Variants in NRG3 observed in about 807,000 individuals in gnomAD.
The protein encoded by NRG3 is pro-neuregulin-3, membrane-bound isoform.
Under a neutral mutation model 66.9 loss-of-function variants are expected in NRG3, and 31 were observed. That is an observed-to-expected ratio of 0.46 (90% CI 0.35 to 0.63). The LOEUF (loss-of-function observed/expected upper bound fraction) is 0.63, where lower values mean the gene tolerates loss of function less well. Ranked by LOEUF, NRG3 falls within the 20% of genes least tolerant of loss-of-function variation. The pLI, the probability that NRG3 is intolerant of heterozygous loss-of-function variation, is 0.00. For synonymous variants in NRG3, 393 were observed against 359.4 expected, an observed-to-expected ratio of 1.09 and a Z score of -1.06; for missense variants, 910 against 878.9, an observed-to-expected ratio of 1.04 and a Z score of -0.45.
At chr10:82,973,695 G>C (rs145837113) in intron 6 of NRG3, 93 bp from the exon 7 acceptor site, 12 of 1,393,474 alleles carry the variant, frequency 8.6e-6, no homozygotes, top group Middle Eastern at 1.8e-4. Context: ...GGAGGAACTG[G>C]CATTCCAGTA....
intron 1 of NRG3, among the ~76,000 whole-genome samples, chr10:82,029,856 G>A (rs2062482031): frequency 6.6e-6 from 1 of 152,004 alleles, no homozygotes; most frequent in Non-Finnish European, 1.5e-5. Context: ...ATTTTGAATG[G>A]CTTACTTGAT....
intron 4 of NRG3, among the ~76,000 whole-genome samples, chr10:82,870,812 G>T (rs1841273326): frequency 6.6e-6 from 1 of 151,882 alleles, no homozygotes; most frequent in Non-Finnish European, 1.5e-5. Context: ...TTGTATTTTT[G>T]AAAAATGATC....
chr10:82,115,549 G>A (rs1291152639), intron 1 of NRG3, among the ~76,000 whole-genome samples: 2 of 152,074 alleles, frequency 1.3e-5, no homozygotes, highest in Non-Finnish European at 2.9e-5. Context: ...TGACACTGAG[G>A]CCTTTGGTTC....
At position 82,985,199 on chromosome 10, in the gene NRG3, A is replaced by G. The variant is rs1480953443; in HGVS notation, c.1685A>G (p.Asp562Gly). 1 of 1,614,112 alleles carries G rather than the reference A, an allele frequency of 6.2e-7. No individual in the cohort carries two copies. The highest frequency in any genetic ancestry group is 1.1e-5 in the South Asian group (1 of 91,086). The change falls in exon 9 of 9, where the codon GAC becomes GGC. Residue 562 changes from aspartate to glycine, a missense_variant. Transcript: ENST00000372141. ...NPYFNSLEQK[D>G]LVGYSSTRAS... ...TATTTTAATAGCTTGGAGCAAAAGG[A>G]CCTGGTGGGCTATTCATCCACAAGG...
In NRG3 at chr10:82,057,646, G is replaced by T. The variant is rs142590886; in HGVS notation, c.823+181483G>T. On this transcript the variant is annotated intron_variant, in intron 1 of 8. Coordinates refer to ENST00000372141, the MANE Select transcript of NRG3 (RefSeq NM_001010848.4). Reference sequence around the variant, plus strand: ...AAGTTTGGGTGGGGAGTGGACAAGGGTATGATAAATTTTGTTTCAAACATG... The same window carrying T: ...AAGTTTGGGTGGGGAGTGGACAAGGTTATGATAAATTTTGTTTCAAACATG... Among the ~76,000 whole-genome samples the T allele has an allele frequency of 3.3e-3, 497 of 151,914 alleles. 1 individual carries two copies. The highest frequency in any genetic ancestry group is 4.1e-3 in the Non-Finnish European group (277 of 67,976).
intron 1 of NRG3, among the ~76,000 whole-genome samples, chr10:82,273,407 A>C (rs1004458902): frequency 5.9e-5 from 9 of 152,012 alleles, no homozygotes; most frequent in African/African-American, 2.2e-4. Context: ...ATGACTTGTT[A>C]ATTTATTTTT....
chr10:82,947,923 A>T (rs1782021972), intron 4 of NRG3, among the ~76,000 whole-genome samples: 1 of 152,074 alleles, frequency 6.6e-6, no homozygotes, highest in Non-Finnish European at 1.5e-5. Flanking sequence ...TGATAGATAA[A>T]GTCCATTTTA....
At chr10:82,463,849 C>A (rs1164381791) in intron 2 of NRG3, among the ~76,000 whole-genome samples, 1 of 152,218 alleles carries the variant, frequency 6.6e-6, no homozygotes, top group African/African-American at 2.4e-5. Flanking sequence ...GCTGTCATAT[C>A]ACTGCATGAA....
intron 2 of NRG3, among the ~76,000 whole-genome samples, chr10:82,632,773 T>C (rs891447625): frequency 1.3e-5 from 2 of 152,216 alleles, no homozygotes; most frequent in African/African-American, 4.8e-5. Context: ...ATTATTTTGT[T>C]TAATCTTTTA....
intron 4 of NRG3, among the ~76,000 whole-genome samples, chr10:82,902,130 T>C (rs1165207832): frequency 6.6e-6 from 1 of 152,132 alleles, no homozygotes; most frequent in African/African-American, 2.4e-5. Context: ...TGGACAACCT[T>C]GATGATGAGA....
intron 2 of NRG3, among the ~76,000 whole-genome samples, chr10:82,437,549 A>G (rs939639394): frequency 5.9e-5 from 9 of 151,966 alleles, no homozygotes; most frequent in African/African-American, 1.2e-4. Context: ...CAATTCATCC[A>G]TCTGATTCTC....
intron 3 of NRG3, among the ~76,000 whole-genome samples, chr10:82,826,615 G>A (rs1172621288): frequency 6.6e-6 from 1 of 152,174 alleles, no homozygotes; most frequent in Non-Finnish European, 1.5e-5. Context: ...TCAGCAACAT[G>A]GATGCAGCTG....
chr10:82,315,473 G>A (rs1427351388), intron 1 of NRG3, among the ~76,000 whole-genome samples: 1 of 152,124 alleles, frequency 6.6e-6, no homozygotes, highest in Non-Finnish European at 1.5e-5. Context: ...TGATCTTCTT[G>A]TGTAGATCTT....
intron 2 of NRG3, among the ~76,000 whole-genome samples, chr10:82,637,834 G>T (rs1251678510): frequency 6.6e-6 from 1 of 152,156 alleles, no homozygotes; most frequent in Non-Finnish European, 1.5e-5. Context: ...TGATAGCCCT[G>T]TGGTAAAGTT....
At chr10:82,552,479 G>T (rs1590638099) in intron 2 of NRG3, among the ~76,000 whole-genome samples, 1 of 152,142 alleles carries the variant, frequency 6.6e-6, no homozygotes, top group Admixed American at 6.6e-5. Context: ...TGACTAATGT[G>T]TATTGACTGA....
intron 2 of NRG3, among the ~76,000 whole-genome samples, chr10:82,513,602 G>A (rs185903194): frequency 9.9e-5 from 15 of 152,126 alleles, no homozygotes; most frequent in East Asian, 5.8e-4. Flanking sequence ...CCAACATGGC[G>A]AAACCCTGTT....
At chr10:82,720,101 T>G (rs1428862626) in intron 2 of NRG3, among the ~76,000 whole-genome samples, 2 of 152,232 alleles carry the variant, frequency 1.3e-5, no homozygotes, top group Admixed American at 6.5e-5. Context: ...CCTCAAAAGA[T>G]AGTTAAGGCT....
intron 3 of NRG3, among the ~76,000 whole-genome samples, chr10:82,805,953 T>C (rs1049905559): frequency 7.2e-5 from 11 of 152,214 alleles, no homozygotes; most frequent in African/African-American, 2.7e-4. Context: ...TTTCAAATTT[T>C]TCTGTCAAAG....
At chr10:82,495,523 A>G (rs1384726834) in intron 2 of NRG3, among the ~76,000 whole-genome samples, 1 of 152,000 alleles carries the variant, frequency 6.6e-6, no homozygotes, top group Non-Finnish European at 1.5e-5. Flanking sequence ...ATCAGATGTA[A>G]TAGATTTTTG....
Sources: allele counts gnomAD v4.1 joint callset (sites outside exome capture counted in the v4.1 genomes callset), GRCh38; gene constraint gnomAD v4.1.1; transcripts MANE v1.5; gene names NCBI Gene and HGNC (gene_info 2026-07-23, HGNC 2026-07-21).